The following CFAP74 variants were observed in gnomAD, a reference collection of about 807,000 sequenced individuals.
CFAP74 encodes the protein cilia and flagella associated protein 74.
CFAP74 carries 124 observed loss-of-function variants against 188.9 expected under a neutral mutation model. The observed-to-expected ratio is 0.66, with a 90% CI of 0.57 to 0.76. The LOEUF is 0.76. Ranked by LOEUF, CFAP74 falls within the 30% of genes least tolerant of loss-of-function variation. The pLI is 0.00. For missense variants in CFAP74, 2,198 were observed against 2,165.2 expected, an observed-to-expected ratio of 1.02 and a Z score of -0.30; for synonymous variants, 956 against 916.7, an observed-to-expected ratio of 1.04 and a Z score of -0.77.
Position 1,936,212 on chromosome 1 carries a change from C to T in CFAP74, c.3011+2643G>A, listed in dbSNP as rs533152192. Among the ~76,000 whole-genome samples the T allele has an allele frequency of 6.1e-5, 8 of 130,266 alleles. No homozygotes were observed. The South Asian group carries it at 7.6e-4, about 12-fold the overall frequency. 85.5% of individuals were successfully genotyped at this position (130,266 alleles called of 152,430 possible). A position where few individuals can be genotyped will look rare whatever the true frequency, so the allele number is the denominator to read the frequency against. ...AGCCTGGGCAACAAGAGCGATGCTC[C>T]GTCTCAAAAAAAAAAAAAAGAAAAA... On this transcript the variant is annotated intron_variant, in intron 25 of 38. Coordinates refer to ENST00000682832, the MANE Select transcript of CFAP74 (RefSeq NM_001304360.2).
At chr1:1,960,112 C>G (rs764542744) in intron 14 of CFAP74, 82 bp from the exon 15 acceptor site, 1 of 1,218,284 alleles carries the variant, frequency 8.2e-7, no homozygotes, top group South Asian at 1.3e-5. Flanking sequence ...CACAGTCAGG[C>G]TGGGCCTCCT....
At chr1:1,963,471 A>G (rs1457426666) in intron 14 of CFAP74, among the ~76,000 whole-genome samples, 2 of 148,694 alleles carry the variant, frequency 1.3e-5, no homozygotes, top group Non-Finnish European at 3.0e-5. Flanking sequence ...AAAAAAAAAA[A>G]AAAAAAAAAA....
chr1:1,994,803 C>G (rs1657828077), intron 1 of CFAP74, among the ~76,000 whole-genome samples: 1 of 152,204 alleles, frequency 6.6e-6, no homozygotes, highest in Non-Finnish European at 1.5e-5. Flanking sequence ...GCAGCCACCT[C>G]TGATCTCTCC....
In CFAP74 at chr1:1,934,941, A is replaced by AATGAAAGTGTGACCCCTGG. The variant is rs1351244889; in HGVS notation, c.3011+3913_3011+3914insCCAGGGGTCACACTTTCAT. On this transcript the variant is annotated intron_variant, in intron 25 of 38. Transcript: ENST00000682832. ...TTAGGTTGTAGGTACACAGGTGTGT[A>AATGAAAGTGTGACCCCTGG]CGTGGGTGTTAGGTTGTAGGTACAC... 2.6e-3 allele frequency among the ~76,000 whole-genome samples: 200 copies of AATGAAAGTGTGACCCCTGG among 76,314 alleles called. 11 individuals are homozygous for AATGAAAGTGTGACCCCTGG. Among genetic ancestry groups the AATGAAAGTGTGACCCCTGG allele is most frequent in the East Asian group, 6.3e-3 (11 of 1,758 alleles). 50.1% of individuals were successfully genotyped at this position (76,314 alleles called of 152,430 possible).
chr1:1,926,120 C>T, intron 32 of CFAP74, 108 bp downstream of exon 32: 1 of 1,439,332 alleles, frequency 6.9e-7, no homozygotes, highest in Non-Finnish European at 9.2e-7. Context: ...CAGACCCAGG[C>T]TTAGTCCCAG....
In CFAP74 at chr1:1,974,261, G is replaced by A. The variant is rs77513516; in HGVS notation, c.501-63C>T. 3.0e-4 allele frequency: 453 copies of A among 1,488,222 alleles called. 1 individual carries two copies. The African/African-American group carries it at 4.3e-3, about 14-fold the overall frequency. 92.2% of individuals were successfully genotyped at this position (1,488,222 alleles called of 1,614,324 possible). On this transcript the variant is annotated intron_variant, in intron 6 of 38. Coordinates refer to ENST00000682832, the MANE Select transcript of CFAP74 (RefSeq NM_001304360.2). Reference sequence around the variant, plus strand: ...ACAGTCATCCTGGGGTGGGGGTTTCGGCATTGAGTTCTGACAAATCCTCCA... The same window carrying A: ...ACAGTCATCCTGGGGTGGGGGTTTCAGCATTGAGTTCTGACAAATCCTCCA...
At position 1,922,569 on chromosome 1, in the gene CFAP74, T is replaced by C. The variant is rs1157926755; in HGVS notation, c.4818+20A>G. 5 of 1,607,854 alleles carry C rather than the reference T, an allele frequency of 3.1e-6. No homozygotes were observed. The Admixed American group carries it at 6.7e-5, about 22-fold the overall frequency. On this transcript the variant is annotated intron_variant, in intron 38 of 38. Transcript: ENST00000682832. Reference sequence around the variant, plus strand: ...TTGGCGTTCCCAGGGCTCCCTGGCCTGGAGCCCAAAGGCACCTACATCAAA... The same window carrying C: ...TTGGCGTTCCCAGGGCTCCCTGGCCCGGAGCCCAAAGGCACCTACATCAAA...
intron 17 of CFAP74, among the ~76,000 whole-genome samples, chr1:1,956,375 C>T (rs1654628874): frequency 1.3e-5 from 2 of 152,156 alleles, no homozygotes; most frequent in South Asian, 4.1e-4. Context: ...GCCAGCACCC[C>T]TGCTGCTACG....
Position 1,922,194 on chromosome 1 carries a change from G to A in CFAP74, c.*93C>T. On this transcript the variant is annotated 3_prime_UTR_variant, in exon 39 of 39. Transcript: ENST00000682832. ...ATTGGAATCTGGCAGAGGATGGCCAGGTCCCAGGCTCTAGGGTAGTATGAC... is the reference window on the plus strand; with the variant it reads ...ATTGGAATCTGGCAGAGGATGGCCAAGTCCCAGGCTCTAGGGTAGTATGAC... 2 of 933,928 alleles carry A rather than the reference G, an allele frequency of 2.1e-6. No homozygotes were observed. Among genetic ancestry groups the A allele is most frequent in the Middle Eastern group, 2.8e-4 (1 of 3,626 alleles). 57.9% of individuals were successfully genotyped at this position (933,928 alleles called of 1,614,324 possible).
chr1:1,967,135 G>C (rs571566941), intron 11 of CFAP74, among the ~76,000 whole-genome samples: 2 of 152,076 alleles, frequency 1.3e-5, no homozygotes, highest in Admixed American at 6.6e-5. Context: ...CGCGCCTGGC[G>C]CAGTTCTCAT....
chr1:1,930,108 G>T lies in CFAP74; in HGVS notation c.3240C>A (p.Asp1080Glu). Reference sequence around the variant, plus strand: ...CTGAGGGCGAGATGGTGATAGGCGAGTCTGGGGGCAGCAGGAACTCGAAAG... The same window carrying T: ...CTGAGGGCGAGATGGTGATAGGCGATTCTGGGGGCAGCAGGAACTCGAAAG... ...PTSFEFLLPP[D>E]SPITISPSVG... The change falls in exon 26 of 39, where the codon GAC (aspartate) becomes GAA (glutamate). Residue 1080 changes from aspartate to glutamate, a missense_variant. Transcript: ENST00000682832. 1 of 1,534,944 alleles carries T rather than the reference G, an allele frequency of 6.5e-7. No homozygotes were observed. The highest frequency in any genetic ancestry group is 1.2e-5 in the South Asian group (1 of 84,048).
chr1:1,963,705 C>G, intron 14 of CFAP74, 44 bp downstream of exon 14: 1 of 1,266,484 alleles, frequency 7.9e-7, no homozygotes, highest in Non-Finnish European at 1.1e-6. Flanking sequence ...GAACCTCCTG[C>G]TGTCCCTGCA....
intron 1 of CFAP74, among the ~76,000 whole-genome samples, chr1:1,994,871 G>A (rs1460504587): frequency 6.6e-6 from 1 of 152,202 alleles, no homozygotes; most frequent in East Asian, 1.9e-4. Context: ...GAATCTACCA[G>A]GGCAAGGGTC....
Position 1,985,451 on chromosome 1 carries a change from C to T in CFAP74, c.435G>A (p.Leu145=), listed in dbSNP as rs3795280. 0.36 allele frequency: 576,863 copies of T among 1,613,550 alleles called. 106,930 individuals carry two copies. Among genetic ancestry groups the T allele is most frequent in the African/African-American group, 0.62 (46,725 of 75,000 alleles). Residue 145 remains leucine, a synonymous_variant, in exon 6 of 39, where the codon CTG becomes CTA. Transcript: ENST00000682832. ...CTCTCTCGTTCTCCAGCTCTGCAAA[C>T]AGGCGTCTGGACACGGCCTGGAGGC... ...VGRLQAVSRR[L]FAELENERDL... is the part of the protein sequence containing the mutation.
chr1:1,972,970 A>G lies in CFAP74; in HGVS notation c.752T>C (p.Val251Ala). Residue 251 changes from valine to alanine, a missense_variant, in exon 8 of 39, where the codon GTT becomes GCT. Transcript: ENST00000682832. Reference sequence around the variant, plus strand: ...GGAGGCCTTCAGGAACCGCACGGCAACCTTGTGGTTCTTCCGGGCGTCCTC... The same window carrying G: ...GGAGGCCTTCAGGAACCGCACGGCAGCCTTGTGGTTCTTCCGGGCGTCCTC... Reference protein sequence around the residue: ...LLEDARKNHKVAVRFLKASLG... With the variant: ...LLEDARKNHKAAVRFLKASLG... 6.2e-7 allele frequency: 1 copy of G among 1,613,994 alleles called. No individual in the cohort carries two copies. The highest frequency in any genetic ancestry group is 8.5e-7 in the Non-Finnish European group (1 of 1,179,988).
chr1:1,963,259 T>A (rs1655216544), intron 14 of CFAP74, among the ~76,000 whole-genome samples: 3 of 152,024 alleles, frequency 2.0e-5, no homozygotes, highest in African/African-American at 7.2e-5. Context: ...GAGACCAGCC[T>A]GGGCAACATG....
intron 18 of CFAP74, chr1:1,954,761 C>T (rs1002845399): frequency 4.9e-5 from 44 of 897,294 alleles, no homozygotes; most frequent in Admixed American, 2.9e-4. Context: ...CCAGCCTAGG[C>T]GACAGAGACC....
chr1:1,925,680 C>G, intron 33 of CFAP74, 103 bp downstream of exon 33: 1 of 1,322,998 alleles, frequency 7.6e-7, no homozygotes, highest in East Asian at 2.5e-5. Context: ...TCCCCACGGG[C>G]TCTCCGACCC....
chr1:1,939,437 A>C (rs1653202725), intron 24 of CFAP74, among the ~76,000 whole-genome samples, 157 bp downstream of exon 24: 1 of 152,166 alleles, frequency 6.6e-6, no homozygotes, highest in South Asian at 2.1e-4. Flanking sequence ...GCTGGTGTGC[A>C]GGGTGGGGAG....
Sources: gnomAD v4.1 joint callset for allele counts (sites outside exome capture counted in the v4.1 genomes callset) on GRCh38, gnomAD v4.1.1 for gene constraint, MANE v1.5 for transcripts, NCBI Gene and HGNC (gene_info 2026-07-23, HGNC 2026-07-21) for gene names.